PTPRD: variants seen among roughly 807,000 people sequenced by gnomAD.
The protein encoded by PTPRD is protein tyrosine phosphatase receptor type D.
A neutral mutation model predicts 214.5 loss-of-function variants in PTPRD; 34 were observed. The ratio of observed to expected loss-of-function variants is 0.16; its 90% confidence interval spans 0.12 to 0.21. PTPRD has a LOEUF of 0.21. Among genes scored for constraint, PTPRD ranks in the 10% least tolerant of loss-of-function variants. PTPRD has a pLI of 1.00. For missense variants in PTPRD, 2,545 were observed against 2,398.7 expected (o/e 1.06, Z -1.27); for synonymous variants, 1,128 against 845.7 (o/e 1.33, Z -5.79).
chr9:9,917,512 C>T (rs973653031), intron 5 of PTPRD, among the ~76,000 whole-genome samples: 5 of 147,564 alleles, frequency 3.4e-5, no homozygotes, highest in Non-Finnish European at 7.5e-5. Flanking sequence ...TCTACCATAT[C>T]TTTAGAGTTA....
At chr9:10,033,156 C>T (rs1452127469) in intron 4 of PTPRD, among the ~76,000 whole-genome samples, 1 of 151,236 alleles carries the variant, frequency 6.6e-6, no homozygotes, top group Non-Finnish European at 1.5e-5. Flanking sequence ...AACCTACATG[C>T]TCTTAAAATA....
intron 11 of PTPRD, among the ~76,000 whole-genome samples, chr9:8,758,849 C>T (rs12236571): frequency 6.6e-6 from 1 of 151,246 alleles, no homozygotes; most frequent in Non-Finnish European, 1.5e-5. Context: ...CCACGCTTGG[C>T]TAATTTTTTG....
intron 2 of PTPRD, among the ~76,000 whole-genome samples, chr9:10,408,709 G>A (rs572404151): frequency 8.6e-5 from 13 of 151,736 alleles, no homozygotes; most frequent in African/African-American, 3.1e-4. Flanking sequence ...TGTATTTATC[G>A]TGTAACAACT....
chr9:9,732,636 G>A (rs1596279471), intron 7 of PTPRD, among the ~76,000 whole-genome samples: 1 of 152,124 alleles, frequency 6.6e-6, no homozygotes, highest in East Asian at 1.9e-4. Context: ...GAAATGGGGA[G>A]GCAAAATTTG....
chr9:8,528,314 A>G, intron 15 of PTPRD: 1 of 480,834 alleles, frequency 2.1e-6, no homozygotes, highest in Non-Finnish European at 3.6e-6. Flanking sequence ...ACTGCGAAAA[A>G]GCAGTAAATT....
At chr9:9,843,646 C>A (rs923721064) in intron 5 of PTPRD, among the ~76,000 whole-genome samples, 1 of 151,622 alleles carries the variant, frequency 6.6e-6, no homozygotes, top group East Asian at 1.9e-4. Flanking sequence ...AAAGTAACAG[C>A]AATAGATGAA....
intron 4 of PTPRD, among the ~76,000 whole-genome samples, chr9:10,010,221 C>T (rs994074882): frequency 1.3e-5 from 2 of 151,960 alleles, no homozygotes; most frequent in South Asian, 4.2e-4. Context: ...CACATGTCTC[C>T]AAACACCATG....
chr9:10,286,398 T>C (rs1047816642), intron 3 of PTPRD, among the ~76,000 whole-genome samples: 1 of 151,972 alleles, frequency 6.6e-6, no homozygotes, highest in Non-Finnish European at 1.5e-5. Flanking sequence ...GCCATAATTG[T>C]GTCATGGCAC....
chr9:8,697,503 A>G (rs967985361), intron 12 of PTPRD, among the ~76,000 whole-genome samples: 1 of 145,890 alleles, frequency 6.9e-6, no homozygotes, highest in African/African-American at 2.6e-5. Flanking sequence ...GCTCACTGCA[A>G]TCCCCACCTC....
At chr9:8,800,408 G>C (rs1398101554) in intron 11 of PTPRD, among the ~76,000 whole-genome samples, 2 of 152,088 alleles carry the variant, frequency 1.3e-5, no homozygotes, top group African/African-American at 4.8e-5. Flanking sequence ...GGATGAGATA[G>C]GAGGTCAGCA....
intron 3 of PTPRD, among the ~76,000 whole-genome samples, chr9:10,120,908 G>C (rs940165341): frequency 6.7e-6 from 1 of 149,376 alleles, no homozygotes; most frequent in Admixed American, 6.6e-5. Context: ...AAAAAGAAAA[G>C]AAAAAATAGA....
At chr9:9,357,197 CATAA>C (rs1162705352) in intron 9 of PTPRD, among the ~76,000 whole-genome samples, 2 of 151,272 alleles carry the variant, frequency 1.3e-5, no homozygotes, top group Admixed American at 1.3e-4. Context: ...AATCTGGTTT[CATAA>C]ATACTGTGAG....
At chr9:8,353,120 TAAATA>T (rs1405193272) in intron 39 of PTPRD, among the ~76,000 whole-genome samples, 1 of 152,192 alleles carries the variant, frequency 6.6e-6, no homozygotes, top group East Asian at 1.9e-4. Flanking sequence ...AAAAAATAAA[TAAATA>T]AAAGAAAAAG....
rs1952378655 is a variant in PTPRD, at chr9:9,294,632, T to C, written c.-203+102817A>G. On this transcript the variant is annotated intron_variant, in intron 9 of 45. Transcript: ENST00000381196. ...TCTGTGCACAAAGAAGAGGTCAACG[T>C]TAACTCATACCAAGATGGAGGCCGT... is the stretch of plus-strand genomic sequence containing the variant. 6.6e-5 allele frequency among the ~76,000 whole-genome samples: 10 copies of C among 151,652 alleles called. No homozygotes were observed. In the Admixed American group the frequency reaches 6.6e-4, roughly 10 times the overall value.
chr9:9,841,547 A>C (rs2058334857), intron 5 of PTPRD, among the ~76,000 whole-genome samples: 1 of 152,146 alleles, frequency 6.6e-6, no homozygotes, highest in African/African-American at 2.4e-5. Context: ...CTGTTATTAG[A>C]ATATATACGC....
intron 4 of PTPRD, among the ~76,000 whole-genome samples, chr9:9,967,616 A>C (rs1330266386): frequency 6.6e-6 from 1 of 152,206 alleles, no homozygotes; most frequent in Admixed American, 6.5e-5. Context: ...CATAGGGTTT[A>C]AGAGACTTTC....
intron 2 of PTPRD, among the ~76,000 whole-genome samples, chr9:10,587,694 C>T (rs2074285424): frequency 6.6e-6 from 1 of 152,038 alleles, no homozygotes; most frequent in South Asian, 2.1e-4. Flanking sequence ...TTTATACCTG[C>T]TCACTTAAGG....
At chr9:10,111,454 G>A (rs1018533885) in intron 3 of PTPRD, among the ~76,000 whole-genome samples, 8 of 151,332 alleles carry the variant, frequency 5.3e-5, no homozygotes, top group African/African-American at 1.9e-4. Context: ...TAGCCGGGAT[G>A]GTCTCGATCT....
At chr9:8,411,230 A>T (rs906473747) in intron 35 of PTPRD, among the ~76,000 whole-genome samples, 55 of 152,208 alleles carry the variant, frequency 3.6e-4, no homozygotes, top group African/African-American at 1.3e-3. Flanking sequence ...AAAAGAACAT[A>T]CAACTTTAAG....
Sources: allele counts gnomAD v4.1 joint callset (sites outside exome capture counted in the v4.1 genomes callset), GRCh38; gene constraint gnomAD v4.1.1; transcripts MANE v1.5; gene names NCBI Gene and HGNC (gene_info 2026-07-23, HGNC 2026-07-21).